CREBBP: variants seen among roughly 807,000 people sequenced by gnomAD.
CREBBP encodes the protein CREB-binding protein.
CREBBP carries 19 observed loss-of-function variants against 265.0 expected under a neutral mutation model. That is an observed-to-expected ratio of 0.07 (90% CI 0.05 to 0.11). The LOEUF (loss-of-function observed/expected upper bound fraction) is 0.11, where lower values mean the gene tolerates loss of function less well. Among genes scored for constraint, CREBBP ranks in the 10% least tolerant of loss-of-function variants. The pLI is 1.00. For synonymous variants in CREBBP, 1,457 were observed against 1,223.7 expected (o/e 1.19, Z -3.98); for missense variants, 2,525 against 3,219.0 (o/e 0.78, Z 5.22).
chr16:3,749,601 T>TA, intron 21 of CREBBP, 26 bp downstream of exon 21: 1 of 1,553,998 alleles, frequency 6.4e-7, no homozygotes, highest in Non-Finnish European at 8.9e-7. Context: ...AAACTGAAAG[T>TA]AAAAAAGAAA....
intron 2 of CREBBP, among the ~76,000 whole-genome samples, chr16:3,839,331 C>T (rs994928838): frequency 3.9e-5 from 6 of 152,116 alleles, no homozygotes; most frequent in Non-Finnish European, 7.3e-5. Context: ...CTACTATGTG[C>T]GTGTCAATCC....
intron 3 of CREBBP, among the ~76,000 whole-genome samples, chr16:3,796,425 C>T (rs1428909151): frequency 3.4e-5 from 5 of 148,684 alleles, no homozygotes; most frequent in African/African-American, 7.5e-5. Context: ...CTCACTCTAT[C>T]GCCTAAGCTG....
At chr16:3,749,007 C>G (rs888358615) in intron 21 of CREBBP, among the ~76,000 whole-genome samples, 7 of 152,088 alleles carry the variant, frequency 4.6e-5, no homozygotes, top group African/African-American at 1.7e-4. Flanking sequence ...ATTAGCCAGG[C>G]GTGGTGGTGG....
Position 3,850,318 on chromosome 16 carries a change from T to G in CREBBP, c.777A>C (p.Ala259=). The G allele has an allele frequency of 6.2e-7, 1 of 1,614,216 alleles. No individual in the cohort carries two copies. Among genetic ancestry groups the G allele is most frequent in the Non-Finnish European group, 8.5e-7 (1 of 1,180,032 alleles). The change falls in exon 2 of 31, where the codon GCA becomes GCC. Residue 259 remains alanine, a synonymous_variant. Coordinates refer to ENST00000262367, the MANE Select transcript of CREBBP (RefSeq NM_004380.3). ...QMTGHAGLNT[A]QAGGMAKMGI... ...TTACCTTGGCCATGCCTCCTGCCTG[T>G]GCGGTGTTCAGTCCCGCGTGACCAG...
intron 7 of CREBBP, 105 bp from the exon 8 acceptor site, chr16:3,780,983 T>C: frequency 7.5e-7 from 1 of 1,324,912 alleles, no homozygotes; most frequent in South Asian, 1.2e-5. Flanking sequence ...AAAGTTTAAG[T>C]CAGGAGAGCC....
chr16:3,745,790 T>G (rs1267358172), intron 21 of CREBBP: 1 of 295,954 alleles, frequency 3.4e-6, no homozygotes, highest in East Asian at 7.6e-5. Flanking sequence ...AGTCTAAAAT[T>G]GTTGAGGATA....
At chr16:3,849,829 G>A (rs1026672976) in intron 2 of CREBBP, among the ~76,000 whole-genome samples, 5 of 152,116 alleles carry the variant, frequency 3.3e-5, no homozygotes, top group African/African-American at 1.2e-4. Context: ...TCTGGGACCC[G>A]AATGCCTGTG....
chr16:3,799,822 C>T (rs2053677267), intron 3 of CREBBP, among the ~76,000 whole-genome samples: 1 of 152,132 alleles, frequency 6.6e-6, no homozygotes, highest in Non-Finnish European at 1.5e-5. Flanking sequence ...TGGGAGAAAA[C>T]ATCCAATGAC....
chr16:3,770,884 T>G lies in CREBBP; in HGVS notation c.2566A>C (p.Thr856Pro). 1 of 1,613,558 alleles carries G rather than the reference T, an allele frequency of 6.2e-7. No homozygotes were observed. Among genetic ancestry groups the G allele is most frequent in the Non-Finnish European group, 8.5e-7 (1 of 1,179,946 alleles). ...PPVTQSPLHP[T>P]PPPASTAAGM... ...GCAGCCGTGGAAGCAGGAGGCGGTG[T>G]TGGGTGCAGTGGTGACTGTGTCACT... Residue 856 changes from threonine to proline, a missense_variant, in exon 14 of 31, where the codon ACA (threonine) becomes CCA (proline). Coordinates refer to ENST00000262367, the MANE Select transcript of CREBBP (RefSeq NM_004380.3).
intron 11 of CREBBP, among the ~76,000 whole-genome samples, chr16:3,775,546 C>T (rs2053117248): frequency 6.6e-6 from 1 of 152,222 alleles, no homozygotes; most frequent in Non-Finnish European, 1.5e-5. Flanking sequence ...GGATGACTCA[C>T]GGAGCACTAC....
chr16:3,767,673 C>T (rs2052888244), intron 16 of CREBBP, 47 bp downstream of exon 16: 12 of 1,612,682 alleles, frequency 7.4e-6, no homozygotes, highest in South Asian at 4.4e-5. Flanking sequence ...ATCCTAACAC[C>T]GTGGAAAAGC....
intron 1 of CREBBP, among the ~76,000 whole-genome samples, chr16:3,863,341 G>T (rs928411392): frequency 2.0e-5 from 3 of 152,152 alleles, no homozygotes; most frequent in African/African-American, 7.2e-5. Context: ...AGTAGCTCAT[G>T]CCTGTAATTC....
intron 2 of CREBBP, chr16:3,812,938 C>G (rs1194562185): frequency 4.8e-6 from 1 of 209,508 alleles, no homozygotes; most frequent in Non-Finnish European, 9.7e-6. Context: ...TCAGCCTCAC[C>G]TGGTGACTGC....
At chr16:3,847,966 C>T (rs1275890889) in intron 2 of CREBBP, among the ~76,000 whole-genome samples, 6 of 152,012 alleles carry the variant, frequency 3.9e-5, no homozygotes, top group African/African-American at 1.4e-4. Flanking sequence ...GTCAGGAGTT[C>T]GAGACCAGCT....
chr16:3,739,504 G>C (rs2052149122), intron 25 of CREBBP, 74 bp downstream of exon 25: 3 of 1,576,684 alleles, frequency 1.9e-6, no homozygotes, highest in Non-Finnish European at 2.6e-6. Context: ...GGCTCCTCTG[G>C]GACACTTAAG....
Position 3,728,598 on chromosome 16 carries a change from G to A in CREBBP, c.6449C>T (p.Pro2150Leu), listed in dbSNP as rs587783512. 34 of 1,613,742 alleles carry A rather than the reference G, an allele frequency of 2.1e-5. No homozygotes were observed. Among genetic ancestry groups the A allele is most frequent in the East Asian group, 8.9e-5 (4 of 44,870 alleles). ...QNLNAMQAGV[P>L]RPGVPPQQQA... is the part of the protein sequence containing the mutation. ...CTGCTGTGGAGGCACACCGGGCCGCGGCACGCCAGCCTGCATGGCATTCAG... is the reference window on the plus strand; with the variant it reads ...CTGCTGTGGAGGCACACCGGGCCGCAGCACGCCAGCCTGCATGGCATTCAG... The change falls in exon 31 of 31, where the codon CCG (proline) becomes CTG (leucine). Residue 2150 changes from proline to leucine, a missense_variant. This residue lies in a region of CREBBP where 473 missense variants were observed against 459.3 expected (regional missense o/e 1.03). Coordinates refer to ENST00000262367, the MANE Select transcript of CREBBP (RefSeq NM_004380.3). This position sits in a 1 kb window ranked among gnomAD's most constrained non-coding sequence, Gnocchi z 8.7.
intron 1 of CREBBP, among the ~76,000 whole-genome samples, chr16:3,870,516 T>C (rs1304812180): frequency 1.3e-5 from 2 of 152,202 alleles, no homozygotes; most frequent in African/African-American, 4.8e-5. Context: ...GAGTTCAATT[T>C]TCCAATAAAA....
At chr16:3,749,506 C>A in intron 21 of CREBBP, 121 bp downstream of exon 21, 1 of 683,676 alleles carries the variant, frequency 1.5e-6, no homozygotes, top group South Asian at 1.7e-5. Flanking sequence ...AACCTCACAC[C>A]AGAAATTCCA....
rs754379213 is a variant in CREBBP, at chr16:3,771,728, T to A, written c.2464-742A>T. ...TGGAAATGCTGGACAAATAAATGAT[T>A]CACATCCCTGGGGGCACAGAGTGGG... On this transcript the variant is annotated intron_variant, in intron 13 of 30. Transcript: ENST00000262367. 6.3e-4 allele frequency among the ~76,000 whole-genome samples: 96 copies of A among 151,736 alleles called. 1 individual carries two copies. Among genetic ancestry groups the A allele is most frequent in the Admixed American group, 5.6e-3 (85 of 15,204 alleles).
Sources: allele counts gnomAD v4.1 joint callset (sites outside exome capture counted in the v4.1 genomes callset), GRCh38; gene constraint gnomAD v4.1.1; regional missense constraint gnomAD v4.1.1; non-coding constraint Gnocchi (gnomAD v3.1); transcripts MANE v1.5; gene names NCBI Gene and HGNC (gene_info 2026-07-23, HGNC 2026-07-21).